ABCA13: variants seen among roughly 807,000 people sequenced by gnomAD.
ABCA13 encodes the protein ATP-binding cassette sub-family A member 13.
Under a neutral mutation model 478.7 loss-of-function variants are expected in ABCA13, and 476 were observed. That is an observed-to-expected ratio of 0.99 (90% CI 0.92 to 1.07). ABCA13 has a LOEUF of 1.07. Ranked by LOEUF, ABCA13 falls within the 50% of genes least tolerant of loss-of-function variation. The pLI is 0.00. For missense variants in ABCA13, 6,060 were observed against 5,910.6 expected (o/e 1.03, Z -0.83); for synonymous variants, 2,252 against 2,158.9 (o/e 1.04, Z -1.20).
intron 31 of ABCA13, among the ~76,000 whole-genome samples, chr7:48,356,552 C>T (rs1048221993): frequency 1.3e-5 from 2 of 151,806 alleles, no homozygotes; most frequent in Non-Finnish European, 2.9e-5. Context: ...GGCAATTCAC[C>T]TGTGGTAACA....
chr7:48,582,142 G>T (rs566219375), intron 56 of ABCA13, among the ~76,000 whole-genome samples: 2 of 152,288 alleles, frequency 1.3e-5, no homozygotes, highest in African/African-American at 4.8e-5. Flanking sequence ...AGACACCAGA[G>T]AAATTAGGCC....
intron 55 of ABCA13, among the ~76,000 whole-genome samples, chr7:48,546,638 T>A (rs762820646): frequency 2.0e-5 from 3 of 151,768 alleles, no homozygotes; most frequent in African/African-American, 4.8e-5. Context: ...TATATGCAAC[T>A]GGGATAAACT....
intron 2 of ABCA13, among the ~76,000 whole-genome samples, chr7:48,194,885 G>A (rs1471022499): frequency 6.6e-6 from 1 of 151,924 alleles, no homozygotes; most frequent in Admixed American, 6.6e-5. Context: ...TATGTATTGA[G>A]TGCCTTTTGT....
At chr7:48,480,486 G>A (rs1340912709) in intron 45 of ABCA13, among the ~76,000 whole-genome samples, 1 of 152,244 alleles carries the variant, frequency 6.6e-6, no homozygotes, top group Non-Finnish European at 1.5e-5. Flanking sequence ...CTGTGGCAGG[G>A]CAGAGCACAT....
At chr7:48,279,945 T>G in intron 18 of ABCA13, 25 bp downstream of exon 18, 8 of 1,500,118 alleles carry the variant, frequency 5.3e-6, no homozygotes, top group Non-Finnish European at 7.1e-6. Context: ...GAATTCACTT[T>G]GTTTTTTTCT....
chr7:48,331,495 G>A (rs1805393602), intron 27 of ABCA13, among the ~76,000 whole-genome samples: 1 of 152,076 alleles, frequency 6.6e-6, no homozygotes, highest in South Asian at 2.1e-4. Flanking sequence ...TATTTTTCTT[G>A]ATGCTCAAAT....
intron 55 of ABCA13, among the ~76,000 whole-genome samples, chr7:48,554,950 T>A (rs1785657501): frequency 6.6e-6 from 1 of 151,682 alleles, no homozygotes; most frequent in African/African-American, 2.4e-5. Context: ...AGGTTTTCCC[T>A]CATTCAGTGT....
chr7:48,472,604 AAGAG>A (rs1300970965), intron 45 of ABCA13, among the ~76,000 whole-genome samples: 1 of 152,296 alleles, frequency 6.6e-6, no homozygotes, highest in Admixed American at 6.5e-5. Flanking sequence ...AAGTGAAAGA[AAGAG>A]AGAAAACTCT....
intron 32 of ABCA13, among the ~76,000 whole-genome samples, chr7:48,368,681 G>GTATGTGTATATATATATA (rs1378285969): frequency 1.0e-5 from 1 of 99,762 alleles, no homozygotes; most frequent in African/African-American, 4.0e-5. Flanking sequence ...GTGTGTGTGT[G>GTATGTGTATATATATATA]TATGTGTATA....
intron 3 of ABCA13, among the ~76,000 whole-genome samples, chr7:48,205,725 A>AT (rs1170807408): frequency 6.6e-6 from 1 of 152,014 alleles, no homozygotes; most frequent in Non-Finnish European, 1.5e-5. Context: ...GCTTTATAGT[A>AT]TTTTTTCATG....
At chr7:48,601,020 TG>T (rs1314848506) in intron 58 of ABCA13, among the ~76,000 whole-genome samples, 6 of 152,176 alleles carry the variant, frequency 3.9e-5, no homozygotes, top group African/African-American at 1.4e-4. Context: ...TTTTTAGTCT[TG>T]TTTTTTTCTA....
At position 48,437,599 on chromosome 7, in the gene ABCA13, T is replaced by C. The variant is rs866720910; in HGVS notation, c.12565+9728T>C. Among the ~76,000 whole-genome samples, 25 of 152,250 alleles carry C rather than the reference T, an allele frequency of 1.6e-4. No individual in the cohort carries two copies. The Middle Eastern group carries it at 0.01, about 62-fold the overall frequency. On this transcript the variant is annotated intron_variant, in intron 42 of 61. Coordinates refer to ENST00000435803, the MANE Select transcript of ABCA13 (RefSeq NM_152701.5). Reference sequence around the variant, plus strand: ...GTTGCTTTAAAATCTTTATGTAGTATGTGTTTCTTCAGAGACTGTTTCTAG... The same window carrying C: ...GTTGCTTTAAAATCTTTATGTAGTACGTGTTTCTTCAGAGACTGTTTCTAG...
intron 10 of ABCA13, 84 bp downstream of exon 10, chr7:48,241,150 C>T (rs1401675073): frequency 8.2e-6 from 12 of 1,462,258 alleles, no homozygotes; most frequent in South Asian, 1.2e-5. Flanking sequence ...GTTAGAAACA[C>T]ATTCTGTAAA....
intron 26 of ABCA13, among the ~76,000 whole-genome samples, chr7:48,314,835 T>A (rs1245021378): frequency 7.9e-5 from 12 of 152,130 alleles, no homozygotes; most frequent in Non-Finnish European, 1.3e-4. Context: ...TGAATATGCA[T>A]GATAGGTACA....
intron 29 of ABCA13, among the ~76,000 whole-genome samples, chr7:48,347,268 A>G (rs529017960): frequency 6.6e-6 from 1 of 152,362 alleles, no homozygotes; most frequent in East Asian, 1.9e-4. Context: ...ATAATTTTAT[A>G]TACTGAAACA....
intron 2 of ABCA13, among the ~76,000 whole-genome samples, chr7:48,195,000 G>A (rs901761169): frequency 8.5e-5 from 13 of 152,202 alleles, no homozygotes; most frequent in African/African-American, 3.1e-4. Flanking sequence ...TGCCATGATG[G>A]GATTTTATAC....
chr7:48,497,497 A>G (rs567899137), intron 48 of ABCA13, among the ~76,000 whole-genome samples: 1 of 152,184 alleles, frequency 6.6e-6, no homozygotes, highest in African/African-American at 2.4e-5. Context: ...TATCCTAGGC[A>G]TTTTGGAAAC....
intron 3 of ABCA13, among the ~76,000 whole-genome samples, chr7:48,203,182 G>A (rs12718301): frequency 0.2 from 31,044 of 152,114 alleles, 3,427 homozygotes; most frequent in Middle Eastern, 0.25. Flanking sequence ...GCCTGGGGCC[G>A]GCAGGGCCGG....
chr7:48,313,333 G>A (rs961726197), intron 25 of ABCA13, 102 bp downstream of exon 25: 27 of 1,213,732 alleles, frequency 2.2e-5, no homozygotes, highest in African/African-American at 4.6e-5. Flanking sequence ...ATTTGCATTA[G>A]ACAGCAAAAT....
Sources: allele counts gnomAD v4.1 joint callset (sites outside exome capture counted in the v4.1 genomes callset), GRCh38; gene constraint gnomAD v4.1.1; transcripts MANE v1.5; gene names NCBI Gene and HGNC (gene_info 2026-07-23, HGNC 2026-07-21).